The following SLC9A9 variants were observed in gnomAD, a reference collection of about 807,000 sequenced individuals.
SLC9A9 encodes the protein solute carrier family 9 member A9.
Under a neutral mutation model 77.8 loss-of-function variants are expected in SLC9A9, and 62 were observed. The ratio of observed to expected loss-of-function variants is 0.80; its 90% CI spans 0.65 to 0.98. The LOEUF is 0.98. Ranked by LOEUF, SLC9A9 falls within the 50% of genes least tolerant of loss-of-function variation. The probability of loss-of-function intolerance (pLI) is 0.00; values close to 1 mark genes in which losing one functional copy is unlikely to be tolerated. For synonymous variants in SLC9A9, 320 were observed against 283.5 expected (o/e 1.13, Z -1.29); for missense variants, 775 against 774.9 (o/e 1.00, Z 0.00).
At position 143,677,823 on chromosome 3, in the gene SLC9A9, C is replaced by CTT. The variant is rs553429664; in HGVS notation, c.649+15367_649+15368dup. On this transcript the variant is annotated intron_variant, in intron 5 of 15. Coordinates refer to ENST00000316549, the MANE Select transcript of SLC9A9 (RefSeq NM_173653.4). Reference sequence around the variant, plus strand: ...TGTCTATGAATTGCCTCTTCAGAGTCTTTTTTTTTTTTTTTTTTTTTGAGA... The same window carrying CTT: ...TGTCTATGAATTGCCTCTTCAGAGTCTTTTTTTTTTTTTTTTTTTTTTTGAGA... 9.5e-3 allele frequency among the ~76,000 whole-genome samples: 1,043 copies of CTT among 110,210 alleles called. 30 individuals carry two copies. Among genetic ancestry groups the CTT allele is most frequent in the African/African-American group, 0.032 (933 of 29,356 alleles). 72.3% of individuals were successfully genotyped at this position (110,210 alleles called of 152,430 possible).
intron 4 of SLC9A9, among the ~76,000 whole-genome samples, chr3:143,737,331 T>G (rs999325759): frequency 6.6e-6 from 1 of 152,216 alleles, no homozygotes; most frequent in African/African-American, 2.4e-5. Context: ...CTTTTCCATT[T>G]TTTACTATGA....
intron 6 of SLC9A9, among the ~76,000 whole-genome samples, chr3:143,613,567 A>T (rs2038053357): frequency 6.6e-6 from 1 of 152,164 alleles, no homozygotes; most frequent in African/African-American, 2.4e-5. Flanking sequence ...TTTTCATGTA[A>T]GGTCTGATGG....
chr3:143,780,696 G>C (rs1467974873), intron 4 of SLC9A9, among the ~76,000 whole-genome samples: 10 of 152,088 alleles, frequency 6.6e-5, no homozygotes, highest in Admixed American at 6.5e-4. Context: ...TGGCTGTCTA[G>C]TGTCTGCCTT....
intron 9 of SLC9A9, among the ~76,000 whole-genome samples, chr3:143,504,483 A>G (rs1307590418): frequency 6.9e-6 from 1 of 144,692 alleles, no homozygotes; most frequent in African/African-American, 2.4e-5. Context: ...GAACATAAGG[A>G]TTCTGAAGGC....
intron 4 of SLC9A9, among the ~76,000 whole-genome samples, chr3:143,740,798 T>C (rs908080793): frequency 3.3e-5 from 5 of 152,212 alleles, no homozygotes; most frequent in African/African-American, 1.2e-4. Flanking sequence ...CAAAGGGAAC[T>C]ACACATTAAG....
At chr3:143,649,102 C>A (rs1333152451) in intron 6 of SLC9A9, among the ~76,000 whole-genome samples, 1 of 152,184 alleles carries the variant, frequency 6.6e-6, no homozygotes, top group Non-Finnish European at 1.5e-5. Context: ...ATCTTGACAC[C>A]AGATCTTCTG....
rs180724079 is a variant in SLC9A9, at chr3:143,417,485, C to T, written c.1470-35371G>A. Among the ~76,000 whole-genome samples the T allele has an allele frequency of 2.8e-4, 11 of 39,620 alleles. No individual in the cohort carries two copies. In the East Asian group the frequency reaches 4.7e-3, roughly 17 times the overall value. 26.0% of individuals were successfully genotyped at this position (39,620 alleles called of 152,430 possible). On this transcript the variant is annotated intron_variant, in intron 12 of 15. Coordinates refer to ENST00000316549, the MANE Select transcript of SLC9A9 (RefSeq NM_173653.4). The stretch of plus-strand genomic sequence containing the variant: ...GAAGAGAGGGAAAGGGAGAATGGAG[C>T]GGGGGGAGAGGGAGGGAGGAGGGGG...
chr3:143,464,995 GATC>G (rs1344239965), intron 12 of SLC9A9, among the ~76,000 whole-genome samples: 1 of 152,206 alleles, frequency 6.6e-6, no homozygotes, highest in African/African-American at 2.4e-5. Flanking sequence ...TCCCAGCTGA[GATC>G]ATCAACTTGC....
At chr3:143,603,440 G>T (rs924988131) in intron 6 of SLC9A9, among the ~76,000 whole-genome samples, 1 of 93,396 alleles carries the variant, frequency 1.1e-5, no homozygotes, top group African/African-American at 5.2e-5. Context: ...AGATTAGATT[G>T]AATCCATTTT....
chr3:143,366,791 C>T (rs1185016910), intron 13 of SLC9A9, among the ~76,000 whole-genome samples: 1 of 152,054 alleles, frequency 6.6e-6, no homozygotes, highest in East Asian at 1.9e-4. Flanking sequence ...ATACTGAGGC[C>T]CCTAAGCAGG....
At chr3:143,766,942 T>C (rs1420920341) in intron 4 of SLC9A9, among the ~76,000 whole-genome samples, 1 of 152,168 alleles carries the variant, frequency 6.6e-6, no homozygotes. Context: ...ATACTAGTTA[T>C]TGTTTTGCAA....
At chr3:143,834,942 T>G (rs2009531746) in intron 1 of SLC9A9, among the ~76,000 whole-genome samples, 1 of 152,238 alleles carries the variant, frequency 6.6e-6, no homozygotes, top group Non-Finnish European at 1.5e-5. Context: ...TGCTCTGGAA[T>G]CCATCACCAC....
intron 8 of SLC9A9, among the ~76,000 whole-genome samples, chr3:143,552,711 A>G (rs1367038874): frequency 6.6e-6 from 1 of 152,176 alleles, no homozygotes; most frequent in Non-Finnish European, 1.5e-5. Context: ...CTGGAGATAA[A>G]CGGGTCCCTG....
At chr3:143,618,737 AC>A (rs2038149345) in intron 6 of SLC9A9, among the ~76,000 whole-genome samples, 1 of 152,224 alleles carries the variant, frequency 6.6e-6, no homozygotes, top group Non-Finnish European at 1.5e-5. Context: ...TCCTCATCTA[AC>A]AGTAAGAAGT....
intron 4 of SLC9A9, among the ~76,000 whole-genome samples, chr3:143,710,211 T>C (rs764991136): frequency 3.9e-4 from 59 of 152,292 alleles, no homozygotes; most frequent in Admixed American, 5.9e-4. Flanking sequence ...CATGTACATA[T>C]AATCTTTCAT....
chr3:143,737,369 T>C (rs1210804381), intron 4 of SLC9A9, among the ~76,000 whole-genome samples: 4 of 152,126 alleles, frequency 2.6e-5, no homozygotes, highest in African/African-American at 9.7e-5. Flanking sequence ...GAAGCATTTT[T>C]ATTTTTGGAA....
At chr3:143,404,522 CT>C (rs2033933283) in intron 12 of SLC9A9, among the ~76,000 whole-genome samples, 1 of 152,096 alleles carries the variant, frequency 6.6e-6, no homozygotes, top group Admixed American at 6.5e-5. Context: ...GCTTTGAAGT[CT>C]TTGTTTTCTA....
chr3:143,798,180 C>T (rs935020136), intron 2 of SLC9A9, among the ~76,000 whole-genome samples: 2 of 152,204 alleles, frequency 1.3e-5, no homozygotes, highest in Non-Finnish European at 2.9e-5. Context: ...TCAATCTCTC[C>T]CTTCTCTTAA....
chr3:143,330,259 G>A (rs1206659478), intron 14 of SLC9A9, among the ~76,000 whole-genome samples: 1 of 152,190 alleles, frequency 6.6e-6, no homozygotes, highest in Non-Finnish European at 1.5e-5. Flanking sequence ...TGAATGGAAT[G>A]AGCTTAGCAG....
Sources: gnomAD v4.1 joint callset for allele counts (sites outside exome capture counted in the v4.1 genomes callset) on GRCh38, gnomAD v4.1.1 for gene constraint, MANE v1.5 for transcripts, NCBI Gene and HGNC (gene_info 2026-07-23, HGNC 2026-07-21) for gene names.